Variants in MUC15 observed in about 807,000 individuals in gnomAD.
MUC15 encodes the protein mucin 15, cell surface associated, also known as mucin-15.
A neutral mutation model predicts 24.0 loss-of-function variants in MUC15; 23 were observed. The ratio of observed to expected loss-of-function variants is 0.96; its 90% CI spans 0.69 to 1.36. MUC15 has a LOEUF of 1.36. Ranked by LOEUF, MUC15 falls within the 40% of genes most tolerant of loss-of-function variation. The probability of loss-of-function intolerance (pLI) is 0.00; values close to 1 mark genes in which losing one functional copy is unlikely to be tolerated. For missense variants in MUC15, 442 were observed against 428.2 expected, an observed-to-expected ratio of 1.03 and a Z score of -0.29; for synonymous variants, 151 against 156.3, an observed-to-expected ratio of 0.97 and a Z score of 0.25.
At chr11:26,564,372 A>G (rs1476583820) in intron 3 of MUC15, among the ~76,000 whole-genome samples, 1 of 151,592 alleles carries the variant, frequency 6.6e-6, no homozygotes, top group Non-Finnish European at 1.5e-5. Context: ...TTTTTACATT[A>G]CTAATATAAT....
intron 4 of MUC15, among the ~76,000 whole-genome samples, chr11:26,562,691 T>C (rs937257779): frequency 2.4e-4 from 36 of 151,892 alleles, no homozygotes; most frequent in African/African-American, 8.2e-4. Context: ...CTGCTGTGTC[T>C]GTATAAACTT....
intron 4 of MUC15, among the ~76,000 whole-genome samples, chr11:26,562,885 C>G (rs1409508632): frequency 6.6e-6 from 1 of 151,830 alleles, no homozygotes; most frequent in Non-Finnish European, 1.5e-5. Context: ...TATTTAAAAC[C>G]AATTTTGATG....
intron 1 of MUC15, among the ~76,000 whole-genome samples, chr11:26,569,499 T>G (rs2134282663): frequency 6.6e-6 from 1 of 152,160 alleles, no homozygotes; most frequent in Middle Eastern, 3.4e-3. Flanking sequence ...CTTAAAGTCG[T>G]AGAAGCAGCC....
In MUC15 at chr11:26,563,225, A is replaced by G. The variant is rs1449524449; in HGVS notation, c.816T>C (p.Gly272=). The change falls in exon 4 of 5, where the codon GGT becomes GGC. Residue 272 remains glycine (G), a synonymous_variant. Coordinates refer to ENST00000529533, the MANE Select transcript of MUC15 (RefSeq NM_001135091.2). ...NTGIVFGAIL[G]AILGVSLLTL... ...TAAGCAATGAGACACCCAGAATAGC[A>G]CCTAAAATGGCCCCGAATACTATTC... The G allele has an allele frequency of 1.2e-6, 2 of 1,611,272 alleles. No homozygotes were observed. Among genetic ancestry groups the G allele is most frequent in the Non-Finnish European group, 1.7e-6 (2 of 1,178,318 alleles).
intron 2 of MUC15, 39 bp from the exon 3 acceptor site, chr11:26,565,935 A>C: frequency 6.7e-7 from 1 of 1,490,066 alleles, no homozygotes; most frequent in Non-Finnish European, 9.0e-7. Context: ...CCTTAAATAA[A>C]ATACTCTGAG....
chr11:26,569,912 C>A (rs935681680), intron 1 of MUC15, among the ~76,000 whole-genome samples: 1 of 151,774 alleles, frequency 6.6e-6, no homozygotes, highest in African/African-American at 2.4e-5. Flanking sequence ...CAGGAGAACC[C>A]AGTAATGATT....
At chr11:26,568,846 G>A (rs536266938) in intron 1 of MUC15, among the ~76,000 whole-genome samples, 1 of 152,104 alleles carries the variant, frequency 6.6e-6, no homozygotes, top group East Asian at 1.9e-4. Flanking sequence ...ACTCTGCAAA[G>A]TTCACAGCAA....
intron 1 of MUC15, among the ~76,000 whole-genome samples, chr11:26,571,504 A>G (rs1237865659): frequency 1.3e-5 from 2 of 152,140 alleles, no homozygotes; most frequent in Non-Finnish European, 2.9e-5. Flanking sequence ...ACAGTTTCCC[A>G]ACTTTTTAAT....
intron 1 of MUC15, among the ~76,000 whole-genome samples, chr11:26,567,768 T>G (rs1850651051): frequency 6.6e-6 from 1 of 151,964 alleles, no homozygotes; most frequent in Non-Finnish European, 1.5e-5. Context: ...GCCTCAAACC[T>G]AAGTGTTCAT....
chr11:26,568,640 A>C (rs986693319), intron 1 of MUC15, among the ~76,000 whole-genome samples: 1 of 152,234 alleles, frequency 6.6e-6, no homozygotes, highest in East Asian at 1.9e-4. Context: ...ATAACTGTCT[A>C]TTATGGTTTC....
intron 1 of MUC15, among the ~76,000 whole-genome samples, chr11:26,567,355 A>G (rs1389896688): frequency 4.0e-5 from 6 of 151,864 alleles, no homozygotes; most frequent in Non-Finnish European, 8.8e-5. Flanking sequence ...AAAAGGGAGG[A>G]GGTACAAGTG....
chr11:26,565,357 C>T lies in MUC15; in HGVS notation c.583G>A (p.Val195Ile). The change falls in exon 3 of 5, where the codon GTT (valine) becomes ATT (isoleucine). Residue 195 changes from valine (V) to isoleucine (I), a missense_variant. Coordinates refer to ENST00000529533, the MANE Select transcript of MUC15 (RefSeq NM_001135091.2). ...GTTGGTTCTGAAGAGAGGATGCTAA[C>T]TGTAATGGAACTGTTATCAGGAGTT... ...VKTPDNSSIT[V>I]SILSSEPTSP... The T allele has an allele frequency of 6.2e-7, 1 of 1,612,638 alleles. No individual in the cohort carries two copies. Among genetic ancestry groups the T allele is most frequent in the Non-Finnish European group, 8.5e-7 (1 of 1,179,208 alleles).
chr11:26,567,091 C>T lies in MUC15; in HGVS notation c.4G>A (p.Gly2Ser). M[G>S]IIQSILATSR... The stretch of plus-strand genomic sequence containing the variant: ...GTGGCAAGAATAGATTGTATTATGC[C>T]CATTTTGCAGATGAAGAAACTGAAG... The change falls in exon 2 of 5, where the codon GGC becomes AGC. Residue 2 changes from glycine to serine, a missense_variant. Coordinates refer to ENST00000529533, the MANE Select transcript of MUC15 (RefSeq NM_001135091.2). 1 of 1,480,658 alleles carries T rather than the reference C, an allele frequency of 6.8e-7. No homozygotes were observed. 91.7% of individuals were successfully genotyped at this position (1,480,658 alleles called of 1,614,324 possible). A position where few individuals can be genotyped will look rare whatever the true frequency, so the allele number is the denominator to read the frequency against.
chr11:26,565,858 T>A lies in MUC15; in HGVS notation c.82A>T (p.Met28Leu). 2.5e-6 allele frequency: 4 copies of A among 1,600,944 alleles called. No homozygotes were observed. Among genetic ancestry groups the A allele is most frequent in the Non-Finnish European group, 3.4e-6 (4 of 1,176,356 alleles). Residue 28 changes from methionine (M) to leucine (L), a missense_variant, in exon 3 of 5, where the codon ATG (methionine) becomes TTG (leucine). By Grantham distance (15) the Met-to-Leu change is conservative. Transcript: ENST00000529533. ...KKKPIPKKPT[M>L]LALAKILLIS... ...AACAGAATTTTGGCTAAGGCCAACA[T>A]TGTAGGCTTCTTTGGTATTGGTTTT...
intron 3 of MUC15, among the ~76,000 whole-genome samples, chr11:26,564,722 CACACACACACATATATAT>C (rs1403788033): frequency 2.5e-3 from 166 of 66,778 alleles, no homozygotes; most frequent in Non-Finnish European, 3.7e-3. Flanking sequence ...CACACACACA[CACACACACACATATATAT>C]ATATATATAT....
At chr11:26,561,547 G>A (rs1179681232) in intron 4 of MUC15, among the ~76,000 whole-genome samples, 1 of 151,898 alleles carries the variant, frequency 6.6e-6, no homozygotes, top group African/African-American at 2.4e-5. Context: ...TGAATCTTGT[G>A]ATTTCAAAGC....
At position 26,559,656 on chromosome 11, in the gene MUC15, A is replaced by G. The variant is rs781538559; in HGVS notation, c.*1409T>C. On this transcript the variant is annotated 3_prime_UTR_variant, in exon 5 of 5. Transcript: ENST00000529533. ...AAAATCATAGTACCTGAGTGCAAAC[A>G]GTATTCACTGGCTTATTATAATCAA... 2.5e-5 allele frequency: 29 copies of G among 1,141,594 alleles called. No individual in the cohort carries two copies. The highest frequency in any genetic ancestry group is 3.5e-5 in the Non-Finnish European group (26 of 751,088). The allele number at this position is 1,141,594 out of a possible 1,614,324, so 70.7% of individuals were successfully genotyped here.
intron 3 of MUC15, among the ~76,000 whole-genome samples, chr11:26,564,079 A>G (rs1456458724): frequency 2.0e-5 from 3 of 151,834 alleles, no homozygotes; most frequent in Non-Finnish European, 4.4e-5. Context: ...GTTAGAGTAC[A>G]GTAAACTTGT....
intron 1 of MUC15, among the ~76,000 whole-genome samples, chr11:26,571,688 C>A (rs536699165): frequency 9.2e-5 from 14 of 152,232 alleles, no homozygotes; most frequent in African/African-American, 3.4e-4. Flanking sequence ...GCTGCCACTT[C>A]CACTTTAAAC....
Sources: allele counts gnomAD v4.1 joint callset (sites outside exome capture counted in the v4.1 genomes callset), GRCh38; gene constraint gnomAD v4.1.1; transcripts MANE v1.5; gene names NCBI Gene and HGNC (gene_info 2026-07-23, HGNC 2026-07-21).